LRRN1: variants seen among roughly 807,000 people sequenced by gnomAD.
LRRN1 encodes leucine-rich repeat neuronal protein 1.
LRRN1 carries 14 observed loss-of-function variants against 45.8 expected under a neutral mutation model. The observed-to-expected ratio is 0.31, with a 90% confidence interval of 0.20 to 0.48. LRRN1 has a LOEUF of 0.48. Ranked by LOEUF, LRRN1 falls within the 20% of genes least tolerant of loss-of-function variation. The pLI is 0.99. For synonymous variants in LRRN1, 359 were observed against 330.1 expected, an observed-to-expected ratio of 1.09 and a Z score of -0.95; for missense variants, 789 against 874.2, an observed-to-expected ratio of 0.90 and a Z score of 1.23.
intron 1 of LRRN1, among the ~76,000 whole-genome samples, chr3:3,804,486 T>G (rs542309203): frequency 9.8e-5 from 15 of 152,360 alleles, no homozygotes; most frequent in Middle Eastern, 3.4e-3. Context: ...ACTCTGACTT[T>G]AGAGTACCCT....
intron 1 of LRRN1, among the ~76,000 whole-genome samples, chr3:3,833,757 G>C (rs931084172): frequency 6.6e-6 from 1 of 152,194 alleles, no homozygotes; most frequent in Non-Finnish European, 1.5e-5. Context: ...AAGGCGGAAA[G>C]GCCTATGGCA....
Position 3,846,053 on chromosome 3 carries a change from C to T in LRRN1, c.1412C>T (p.Thr471Ile). ...ATTGGAAATAAGATAACTGTGGAAA[C>T]CCTTTCAGATAAATACAAGCTAAGT... ...TPIGNKITVE[T>I]LSDKYKLSSE... is the part of the protein sequence containing the mutation. The change falls in exon 2 of 2, where the codon ACC becomes ATC. Residue 471 changes from threonine (T) to isoleucine (I), a missense_variant. Physicochemically the swap from Thr to Ile is moderately conservative, Grantham distance 89. Transcript: ENST00000319331. This position sits in a 1 kb window ranked among gnomAD's most constrained non-coding sequence, Gnocchi z 5.7. The T allele has an allele frequency of 6.2e-7, 1 of 1,614,044 alleles. No homozygotes were observed. Among genetic ancestry groups the T allele is most frequent in the Non-Finnish European group, 8.5e-7 (1 of 1,179,988 alleles).
Position 3,845,885 on chromosome 3 carries a change from T to C in LRRN1, c.1244T>C (p.Ile415Thr). ...YKGHQVKEVLIQDSSEQCLPM... is the reference protein window; with the variant it reads ...YKGHQVKEVLTQDSSEQCLPM... The stretch of plus-strand genomic sequence containing the variant: ...GGGCACCAGGTGAAGGAAGTTTTAA[T>C]CCAGGATTCGAGTGAACAGTGCCTC... Residue 415 changes from isoleucine (I) to threonine (T), a missense_variant, in exon 2 of 2, where the codon ATC (isoleucine) becomes ACC (threonine). Ile to Thr is a moderately conservative substitution (Grantham distance 89, BLOSUM62 -1). Coordinates refer to ENST00000319331, the MANE Select transcript of LRRN1 (RefSeq NM_020873.7). This position sits in a 1 kb window ranked among gnomAD's most constrained non-coding sequence, Gnocchi z 6.5. The C allele has an allele frequency of 6.2e-7, 1 of 1,614,076 alleles. No individual in the cohort carries two copies. The highest frequency in any genetic ancestry group is 8.5e-7 in the Non-Finnish European group (1 of 1,179,988).
chr3:3,806,318 T>A (rs1463144796), intron 1 of LRRN1, among the ~76,000 whole-genome samples: 2 of 152,142 alleles, frequency 1.3e-5, no homozygotes, highest in African/African-American at 4.8e-5. Context: ...GCTACACAAG[T>A]ACAGAAGCAG....
chr3:3,848,216 C>G lies in LRRN1; in HGVS notation c.*1424C>G, dbSNP rs951440744. On this transcript the variant is annotated 3_prime_UTR_variant, in exon 2 of 2. Coordinates refer to ENST00000319331, the MANE Select transcript of LRRN1 (RefSeq NM_020873.7). ...AGACAAGTAAATGATTAATAGAAAA[C>G]AAAACAACTTCCGTACAGTTCAAAC... 3.3e-5 allele frequency among the ~76,000 whole-genome samples: 5 copies of G among 152,150 alleles called. No homozygotes were observed. Among genetic ancestry groups the G allele is most frequent in the African/African-American group, 4.8e-5 (2 of 41,434 alleles).
At chr3:3,819,355 A>G (rs1381292170) in intron 1 of LRRN1, among the ~76,000 whole-genome samples, 1 of 152,202 alleles carries the variant, frequency 6.6e-6, no homozygotes, top group African/African-American at 2.4e-5. Context: ...TGTACCACAA[A>G]CTAGGTGGCT....
intron 1 of LRRN1, among the ~76,000 whole-genome samples, chr3:3,830,560 C>T (rs1693345972): frequency 6.6e-6 from 1 of 152,178 alleles, no homozygotes; most frequent in Non-Finnish European, 1.5e-5. Context: ...TGAACCAGGC[C>T]CTAGTCTTCT....
At position 3,844,558 on chromosome 3, in the gene LRRN1, C is replaced by T. The variant is rs755350940; in HGVS notation, c.-84C>T. On this transcript the variant is annotated 5_prime_UTR_variant, in exon 2 of 2. Transcript: ENST00000319331. Reference sequence around the variant, plus strand: ...TGCTTGAATGTTTACATTTTCTGCTCGCTGTCCTACATATCACAATATAGT... The same window carrying T: ...TGCTTGAATGTTTACATTTTCTGCTTGCTGTCCTACATATCACAATATAGT... 459 of 1,014,170 alleles carry T rather than the reference C, an allele frequency of 4.5e-4. No individual in the cohort carries two copies. Among genetic ancestry groups the T allele is most frequent in the Non-Finnish European group, 4.5e-4 (308 of 689,698 alleles). The allele number at this position is 1,014,170 out of a possible 1,614,324, so 62.8% of individuals were successfully genotyped here.
At chr3:3,807,332 T>G (rs1205325665) in intron 1 of LRRN1, among the ~76,000 whole-genome samples, 1 of 152,216 alleles carries the variant, frequency 6.6e-6, no homozygotes, top group Non-Finnish European at 1.5e-5. Context: ...CTAGAATAGA[T>G]GTTATAGTGG....
At chr3:3,806,967 T>G (rs978302500) in intron 1 of LRRN1, among the ~76,000 whole-genome samples, 1 of 152,184 alleles carries the variant, frequency 6.6e-6, no homozygotes, top group African/African-American at 2.4e-5. Flanking sequence ...GAGACTCCTG[T>G]CTCTCTCAGA....
chr3:3,808,620 T>C (rs909785844), intron 1 of LRRN1, among the ~76,000 whole-genome samples: 1 of 152,184 alleles, frequency 6.6e-6, no homozygotes, highest in African/African-American at 2.4e-5. Flanking sequence ...AAGCAGGGGT[T>C]GAACTTGGGT....
chr3:3,840,385 G>T (rs968713711), intron 1 of LRRN1, among the ~76,000 whole-genome samples: 2 of 152,010 alleles, frequency 1.3e-5, no homozygotes, highest in African/African-American at 4.8e-5. Flanking sequence ...TATGCATTAG[G>T]GATATTGGTC....
Position 3,840,222 on chromosome 3 carries a change from A to G in LRRN1, c.-278-4142A>G, listed in dbSNP as rs573102402. On this transcript the variant is annotated intron_variant, in intron 1 of 1. Coordinates refer to ENST00000319331, the MANE Select transcript of LRRN1 (RefSeq NM_020873.7). Reference sequence around the variant, plus strand: ...TTTTGTCAGATGGTTTTGTGCATCAATTGAGATGATCATGTGTTTTTACTT... The same window carrying G: ...TTTTGTCAGATGGTTTTGTGCATCAGTTGAGATGATCATGTGTTTTTACTT... Among the ~76,000 whole-genome samples the G allele has an allele frequency of 1.1e-4, 16 of 152,302 alleles. No individual in the cohort carries two copies. In the South Asian group the frequency reaches 2.7e-3, roughly 26 times the overall value.
Position 3,848,107 on chromosome 3 carries a change from T to C in LRRN1, c.*1315T>C, listed in dbSNP as rs892225447. Among the ~76,000 whole-genome samples, 3 of 152,236 alleles carry C rather than the reference T, an allele frequency of 2.0e-5. No individual in the cohort carries two copies. Among genetic ancestry groups the C allele is most frequent in the Non-Finnish European group, 4.4e-5 (3 of 68,042 alleles). ...AAAACGTCTGTGGAGTGTCACAAAC[T>C]GTATGACATGTTATTTCTTTTTAAC... On this transcript the variant is annotated 3_prime_UTR_variant, in exon 2 of 2. Coordinates refer to ENST00000319331, the MANE Select transcript of LRRN1 (RefSeq NM_020873.7).
At position 3,818,119 on chromosome 3, in the gene LRRN1, C is replaced by T. The variant is rs996372108; in HGVS notation, c.-279+18200C>T. 7.2e-5 allele frequency among the ~76,000 whole-genome samples: 11 copies of T among 152,138 alleles called. No individual in the cohort carries two copies. In the East Asian group the frequency reaches 1.3e-3, roughly 19 times the overall value. ...TGCAACACTTACTAACAGGGCATGG[C>T]GAAATCTGTCCGAAGTGAGAATACC... On this transcript the variant is annotated intron_variant, in intron 1 of 1. Coordinates refer to ENST00000319331, the MANE Select transcript of LRRN1 (RefSeq NM_020873.7).
At chr3:3,812,583 A>G (rs1170070210) in intron 1 of LRRN1, among the ~76,000 whole-genome samples, 1 of 152,198 alleles carries the variant, frequency 6.6e-6, no homozygotes, top group Non-Finnish European at 1.5e-5. Context: ...CAGCGAAGGA[A>G]GAGACTGCAT....
Position 3,845,663 on chromosome 3 carries a change from G to T in LRRN1, c.1022G>T (p.Ser341Ile). 1 of 1,614,054 alleles carries T rather than the reference G, an allele frequency of 6.2e-7. No individual in the cohort carries two copies. The highest frequency in any genetic ancestry group is 8.5e-7 in the Non-Finnish European group (1 of 1,180,014). ...LAFRSVPALESLMLNNNALNA... is the reference protein window; with the variant it reads ...LAFRSVPALEILMLNNNALNA... ...TTCCGAAGTGTCCCTGCTCTGGAAA[G>T]CTTGATGCTGAACAACAATGCCTTG... The change falls in exon 2 of 2, where the codon AGC becomes ATC. Residue 341 changes from serine (S) to isoleucine (I), a missense_variant. Physicochemically the swap from Ser to Ile is moderately radical, Grantham distance 142. Coordinates refer to ENST00000319331, the MANE Select transcript of LRRN1 (RefSeq NM_020873.7). This position sits in a 1 kb window ranked among gnomAD's most constrained non-coding sequence, Gnocchi z 6.5.
intron 1 of LRRN1, among the ~76,000 whole-genome samples, chr3:3,805,695 T>G (rs1692736551): frequency 6.6e-6 from 1 of 152,126 alleles, no homozygotes; most frequent in African/African-American, 2.4e-5. Flanking sequence ...AGCTAAGAGA[T>G]TTTGTTGTTC....
chr3:3,828,302 G>T (rs1268014809), intron 1 of LRRN1, among the ~76,000 whole-genome samples: 1 of 152,026 alleles, frequency 6.6e-6, no homozygotes, highest in Non-Finnish European at 1.5e-5. Context: ...CCTGGGGTCT[G>T]ATGTTCCAGG....
Sources: allele counts gnomAD v4.1 joint callset (sites outside exome capture counted in the v4.1 genomes callset), GRCh38; gene constraint gnomAD v4.1.1; non-coding constraint Gnocchi (gnomAD v3.1); transcripts MANE v1.5; gene names NCBI Gene and HGNC (gene_info 2026-07-23, HGNC 2026-07-21).